The following KAT14 variants were observed in gnomAD, a reference collection of about 807,000 sequenced individuals.
The protein encoded by KAT14 is cysteine-rich protein 2-binding protein.
KAT14 carries 66 observed loss-of-function variants against 78.4 expected under a neutral mutation model. The observed-to-expected ratio is 0.84, with a 90% confidence interval of 0.69 to 1.03. The LOEUF (loss-of-function observed/expected upper bound fraction) is 1.03. Ranked by LOEUF, KAT14 falls within the 50% of genes least tolerant of loss-of-function variation. The probability of loss-of-function intolerance (pLI) is 0.00; values close to 1 mark genes in which losing one functional copy is unlikely to be tolerated. For synonymous variants in KAT14, 344 were observed against 359.4 expected, an observed-to-expected ratio of 0.96 and a Z score of 0.48; for missense variants, 870 against 972.5, an observed-to-expected ratio of 0.89 and a Z score of 1.40.
At chr20:18,140,955 T>G (rs1166667237) in intron 1 of KAT14, among the ~76,000 whole-genome samples, 2 of 148,468 alleles carry the variant, frequency 1.3e-5, no homozygotes, top group Non-Finnish European at 3.0e-5. Flanking sequence ...CCTCCCAGGC[T>G]GAGGTGATCC....
chr20:18,179,131 A>C (rs1167176001), intron 7 of KAT14, among the ~76,000 whole-genome samples: 1 of 152,160 alleles, frequency 6.6e-6, no homozygotes, highest in Non-Finnish European at 1.5e-5. Flanking sequence ...AGGTTCTCAG[A>C]GTCTTAGGCA....
At chr20:18,177,466 G>C (rs978320802) in intron 7 of KAT14, among the ~76,000 whole-genome samples, 2 of 152,328 alleles carry the variant, frequency 1.3e-5, no homozygotes, top group Middle Eastern at 6.8e-3. Flanking sequence ...CCTGCCTTTT[G>C]ATACGAGGAG....
chr20:18,175,201 C>T (rs1022902229), intron 7 of KAT14, among the ~76,000 whole-genome samples: 6 of 152,066 alleles, frequency 3.9e-5, no homozygotes, highest in African/African-American at 7.2e-5. Flanking sequence ...AGGGAACCTC[C>T]CAGGACCTCT....
At chr20:18,163,309 G>A (rs1166838725) in intron 7 of KAT14, among the ~76,000 whole-genome samples, 1 of 151,070 alleles carries the variant, frequency 6.6e-6, no homozygotes, top group Non-Finnish European at 1.5e-5. Flanking sequence ...CTGTGTTGCA[G>A]AGGATCTGAA....
At chr20:18,157,197 A>G (rs1200268163) in intron 4 of KAT14, among the ~76,000 whole-genome samples, 1 of 151,988 alleles carries the variant, frequency 6.6e-6, no homozygotes, top group African/African-American at 2.4e-5. Context: ...AAATCTTTTG[A>G]GTCTTTGTCA....
At chr20:18,173,198 G>A (rs2038912648) in intron 7 of KAT14, among the ~76,000 whole-genome samples, 1 of 152,210 alleles carries the variant, frequency 6.6e-6, no homozygotes, top group Admixed American at 6.5e-5. Flanking sequence ...TTCACTGTGA[G>A]AACCTGGTCC....
intron 7 of KAT14, among the ~76,000 whole-genome samples, chr20:18,179,345 C>T (rs184876769): frequency 6.6e-6 from 1 of 152,344 alleles, no homozygotes; most frequent in Non-Finnish European, 1.5e-5. Context: ...CCCACATTTC[C>T]CCTCTGCACT....
chr20:18,179,775 TTTC>T (rs2039181735), intron 7 of KAT14, among the ~76,000 whole-genome samples: 1 of 152,230 alleles, frequency 6.6e-6, no homozygotes, highest in African/African-American at 2.4e-5. Flanking sequence ...AGGTTTTTCT[TTTC>T]TACTGCATTG....
chr20:18,162,762 T>A lies in KAT14; in HGVS notation c.1485T>A (p.Ile495=), dbSNP rs768974753. The change falls in exon 7 of 11, where the codon ATT becomes ATA. Residue 495 remains isoleucine, a synonymous_variant. Coordinates refer to ENST00000688188, the MANE Select transcript of KAT14 (RefSeq NM_001392073.1). ...PEARRLKRKL[I]VRQAKRDRGL... ...CTCGGAGACTGAAACGCAAACTGAT[T>A]GTCAGACAAGCGAAAAGGGATAGGG... 6 of 1,614,088 alleles carry A rather than the reference T, an allele frequency of 3.7e-6. No homozygotes were observed. In the African/African-American group the frequency reaches 6.7e-5, roughly 18 times the overall value.
intron 5 of KAT14, among the ~76,000 whole-genome samples, chr20:18,160,191 G>A (rs1381321093): frequency 6.6e-6 from 1 of 152,096 alleles, no homozygotes; most frequent in South Asian, 2.1e-4. Context: ...TGAGCCACCG[G>A]ATCAGGCTGA....
At chr20:18,176,787 A>G (rs1473249283) in intron 7 of KAT14, among the ~76,000 whole-genome samples, 1 of 151,938 alleles carries the variant, frequency 6.6e-6, no homozygotes, top group African/African-American at 2.4e-5. Context: ...TTCTGAACAT[A>G]TGGTAGGAAG....
In KAT14 at chr20:18,162,821, A is replaced by G. The variant is rs1229091269; in HGVS notation, c.1544A>G (p.Asn515Ser). ...CTTTTTGACTTGGATCAAGTTGTTA[A>G]TGCTGCTCTTTTGTTAGTTGACGGG... ...LPLFDLDQVV[N>S]AALLLVDGIY... is the part of the protein sequence containing the mutation. Residue 515 changes from asparagine to serine, a missense_variant, in exon 7 of 11, where the codon AAT becomes AGT. By Grantham distance (46) the Asn-to-Ser change is conservative. Transcript: ENST00000688188. The G allele has an allele frequency of 2.5e-6, 4 of 1,614,118 alleles. No homozygotes were observed. The Admixed American group carries it at 5.0e-5, about 20-fold the overall frequency.
At chr20:18,181,890 G>C in intron 8 of KAT14, 44 bp downstream of exon 8, 2 of 1,605,858 alleles carry the variant, frequency 1.2e-6, no homozygotes, top group East Asian at 4.5e-5. Flanking sequence ...TGTCATGAGG[G>C]ATAATGATTG....
intron 4 of KAT14, among the ~76,000 whole-genome samples, chr20:18,158,005 T>C (rs1484834442): frequency 6.6e-6 from 1 of 152,180 alleles, no homozygotes; most frequent in East Asian, 1.9e-4. Flanking sequence ...TGGTGCAGTC[T>C]TGGCTCACTG....
chr20:18,184,490 T>TTG, intron 9 of KAT14, 112 bp from the exon 10 acceptor site: 26 of 952,772 alleles, frequency 2.7e-5, no homozygotes, highest in South Asian at 8.0e-5. Context: ...TTGGTGTTTT[T>TTG]TTTTTTTTTT....
intron 7 of KAT14, among the ~76,000 whole-genome samples, chr20:18,174,115 GT>G (rs2038950553): frequency 6.6e-6 from 1 of 152,122 alleles, no homozygotes; most frequent in Non-Finnish European, 1.5e-5. Flanking sequence ...TTAGCATAAT[GT>G]TTTCAAGATT....
intron 2 of KAT14, among the ~76,000 whole-genome samples, chr20:18,144,107 A>T (rs1469336019): frequency 1.3e-5 from 2 of 152,268 alleles, no homozygotes; most frequent in Non-Finnish European, 2.9e-5. Flanking sequence ...AGAAATACAT[A>T]TATAACTGTG....
At chr20:18,174,795 C>G (rs6081021) in intron 7 of KAT14, among the ~76,000 whole-genome samples, 17,952 of 151,712 alleles carry the variant, frequency 0.12, 1,390 homozygotes, top group African/African-American at 0.22. Flanking sequence ...ACCGAAGTAG[C>G]TGGGATTACA....
At chr20:18,155,480 G>T (rs559226493) in intron 4 of KAT14, among the ~76,000 whole-genome samples, 3 of 152,014 alleles carry the variant, frequency 2.0e-5, no homozygotes. Flanking sequence ...CCAAATACTG[G>T]GTATTTGTGC....
Sources: allele counts gnomAD v4.1 joint callset (sites outside exome capture counted in the v4.1 genomes callset), GRCh38; gene constraint gnomAD v4.1.1; transcripts MANE v1.5; gene names NCBI Gene and HGNC (gene_info 2026-07-23, HGNC 2026-07-21).